Variants in XPO1 observed in about 807,000 individuals in gnomAD.
The protein encoded by XPO1 is exportin 1, also known as exportin-1.
XPO1 carries 5 observed loss-of-function variants against 133.3 expected under a neutral mutation model. The observed-to-expected ratio is 0.04, with a 90% CI of 0.02 to 0.08. XPO1 has a LOEUF of 0.08. XPO1 is among the 10% of genes least tolerant of loss of function. The pLI, the probability that XPO1 is intolerant of heterozygous loss-of-function variation, is 1.00. For synonymous variants in XPO1, 419 were observed against 408.2 expected (o/e 1.03, Z -0.32); for missense variants, 506 against 1,267.5 (o/e 0.40, Z 9.12).
chr2:61,536,966 AACT>A (rs1699381702), intron 1 of XPO1: 1 of 152,298 alleles, frequency 6.6e-6, no homozygotes, highest in Non-Finnish European at 1.5e-5. Flanking sequence ...CCTGAAAAGG[AACT>A]ACAAGACGGA....
At chr2:61,524,918 A>G (rs2104771028) in intron 3 of XPO1, among the ~76,000 whole-genome samples, 1 of 152,316 alleles carries the variant, frequency 6.6e-6, no homozygotes, top group East Asian at 1.9e-4. Flanking sequence ...TGTCTCTTCA[A>G]AGAATTTTTT....
At chr2:61,487,413 G>C (rs1696748678) in intron 19 of XPO1, among the ~76,000 whole-genome samples, 1 of 151,938 alleles carries the variant, frequency 6.6e-6, no homozygotes, top group South Asian at 2.1e-4. Context: ...TCGATATTTA[G>C]GTTAGCCAAC....
At chr2:61,491,795 G>T (rs537689146) in intron 16 of XPO1, among the ~76,000 whole-genome samples, 58 of 151,852 alleles carry the variant, frequency 3.8e-4, no homozygotes, top group African/African-American at 1.0e-3. Flanking sequence ...AGCTACCCAC[G>T]AGGCCAAGGT....
intron 4 of XPO1, among the ~76,000 whole-genome samples, chr2:61,505,375 T>A (rs1252513166): frequency 2.1e-5 from 3 of 145,308 alleles, no homozygotes; most frequent in African/African-American, 5.1e-5. Flanking sequence ...ACTTGGGTAA[T>A]CTATGCAACA....
At chr2:61,506,665 C>T (rs13427253) in intron 4 of XPO1, among the ~76,000 whole-genome samples, 1,581 of 149,196 alleles carry the variant, frequency 0.011, 31 homozygotes, top group African/African-American at 0.036. Flanking sequence ...CAAGCCTGGG[C>T]GACAGAGTGA....
At chr2:61,491,937 T>C in intron 16 of XPO1, 98 bp downstream of exon 16, 3 of 1,394,956 alleles carry the variant, frequency 2.2e-6, no homozygotes, top group East Asian at 4.8e-5. Context: ...GAAACACTTC[T>C]ATTGGATCCA....
At chr2:61,480,891 C>G (rs1334316730) in intron 24 of XPO1, among the ~76,000 whole-genome samples, 2 of 151,996 alleles carry the variant, frequency 1.3e-5, no homozygotes, top group African/African-American at 4.8e-5. Flanking sequence ...ATAAAAAGAA[C>G]TACCAACGTT....
At position 61,495,630 on chromosome 2, in the gene XPO1, G is replaced by A; in HGVS notation, c.889-17C>T. ...AGGAAGCATCTGCAAATTTTAAAAGGGACGATCAGTTCGCATTTTATAAAA... is the reference window on the plus strand; with the variant it reads ...AGGAAGCATCTGCAAATTTTAAAAGAGACGATCAGTTCGCATTTTATAAAA... On this transcript the variant is annotated splice_polypyrimidine_tract_variant and intron_variant, in intron 10 of 24. Transcript: ENST00000401558. 1 of 1,539,118 alleles carries A rather than the reference G, an allele frequency of 6.5e-7. No homozygotes were observed.
intron 1 of XPO1, chr2:61,536,575 G>T (rs900356103): frequency 6.6e-6 from 1 of 152,226 alleles, no homozygotes; most frequent in Admixed American, 6.5e-5. Flanking sequence ...GCGAAAGACT[G>T]CTCCTTAGGT....
chr2:61,482,612 G>GA (rs1696449799), intron 22 of XPO1, 73 bp from the exon 23 acceptor site: 1 of 1,023,530 alleles, frequency 9.8e-7, no homozygotes. Context: ...TTTTTGTTTT[G>GA]TTTTTTTTTT....
At chr2:61,493,489 A>C (rs1437282991) in intron 12 of XPO1, 1 of 197,448 alleles carries the variant, frequency 5.1e-6, no homozygotes, top group Non-Finnish European at 1.0e-5. Context: ...CCTGAGCCAC[A>C]GAGCAAGACC....
At chr2:61,521,505 A>G (rs1467411939) in intron 4 of XPO1, among the ~76,000 whole-genome samples, 1 of 152,210 alleles carries the variant, frequency 6.6e-6, no homozygotes, top group Non-Finnish European at 1.5e-5. Flanking sequence ...AGCTAAATCA[A>G]AGAATCCCAA....
At chr2:61,529,680 A>G (rs1699069108) in intron 2 of XPO1, among the ~76,000 whole-genome samples, 1 of 151,958 alleles carries the variant, frequency 6.6e-6, no homozygotes, top group Non-Finnish European at 1.5e-5. Flanking sequence ...AAAAAAAAAA[A>G]AGAAAGAAAT....
rs1284222849 is a variant in XPO1 at position 61,502,986 on chromosome 2, G to C, written c.302-676C>G. Among the ~76,000 whole-genome samples the C allele has an allele frequency of 1.6e-4, 21 of 134,072 alleles. 1 individual carries two copies. Among genetic ancestry groups the C allele is most frequent in the Admixed American group, 1.1e-3 (15 of 13,198 alleles). 88.0% of individuals were successfully genotyped at this position (134,072 alleles called of 152,430 possible). A position where few individuals can be genotyped will look rare whatever the true frequency, so the allele number is the denominator to read the frequency against. ...TTTTCTTTTTTTTTTTTTTTTTTGAGACGGAGTCCTGTTATGTCACACACA... is the reference window on the plus strand; with the variant it reads ...TTTTCTTTTTTTTTTTTTTTTTTGACACGGAGTCCTGTTATGTCACACACA... On this transcript the variant is annotated intron_variant, in intron 4 of 24. Transcript: ENST00000401558.
Position 61,488,258 on chromosome 2 carries a change from T to C in XPO1, c.2220A>G (p.Thr740=). Residue 740 remains threonine (T), a synonymous_variant, in exon 19 of 25, where the codon ACA becomes ACG. Transcript: ENST00000401558. The stretch of plus-strand genomic sequence containing the variant: ...GCATACTTCTAATCAATGGTTGCTT[T>C]GTAACCATTTCACCTACAAAACAGA... ...AAIQANGEMV[T]KQPLIRSMRT... is the part of the protein sequence containing the mutation. 6.2e-7 allele frequency: 1 copy of C among 1,613,710 alleles called. No homozygotes were observed. The highest frequency in any genetic ancestry group is 8.5e-7 in the Non-Finnish European group (1 of 1,179,716).
intron 4 of XPO1, among the ~76,000 whole-genome samples, chr2:61,515,069 T>A (rs1394809119): frequency 3.1e-5 from 4 of 127,392 alleles, no homozygotes; most frequent in Non-Finnish European, 3.2e-5. Flanking sequence ...GTGACTGTCT[T>A]AAAAAAAAAA....
intron 23 of XPO1, among the ~76,000 whole-genome samples, chr2:61,482,053 T>TTTTTTTTTTTTTTTTC (rs1696397504): frequency 7.1e-6 from 1 of 139,882 alleles, no homozygotes; most frequent in Non-Finnish European, 1.6e-5. Flanking sequence ...TTTTTTTTTT[T>TTTTTTTTTTTTTTTTC]TTTTGCTTTT....
chr2:61,500,489 G>A (rs527692768), intron 6 of XPO1, among the ~76,000 whole-genome samples: 1 of 146,532 alleles, frequency 6.8e-6, no homozygotes, highest in African/African-American at 2.5e-5. Flanking sequence ...TGAGGCAGGA[G>A]AATCTCTTGA....
At position 61,527,321 on chromosome 2, in the gene XPO1, C is replaced by CAAA. The variant is rs35556629; in HGVS notation, c.127-803_127-801dup. ...GCAATGTAACGAGGCCATGACTCTCCAAAAAAAAAAAAAAAAGAAAGCTGC... is the reference window on the plus strand; with the variant it reads ...GCAATGTAACGAGGCCATGACTCTCCAAAAAAAAAAAAAAAAAAAGAAAGCTGC... On this transcript the variant is annotated intron_variant, in intron 2 of 24. Transcript: ENST00000401558. Among the ~76,000 whole-genome samples the CAAA allele has an allele frequency of 3.8e-4, 35 of 92,606 alleles. 3 individuals carry two copies. The highest frequency in any genetic ancestry group is 2.7e-3 in the East Asian group (9 of 3,384). 60.8% of individuals were successfully genotyped at this position (92,606 alleles called of 152,430 possible). A position where few individuals can be genotyped will look rare whatever the true frequency, so the allele number is the denominator to read the frequency against.
Sources: allele counts gnomAD v4.1 joint callset (sites outside exome capture counted in the v4.1 genomes callset), GRCh38; gene constraint gnomAD v4.1.1; transcripts MANE v1.5; gene names NCBI Gene and HGNC (gene_info 2026-07-23, HGNC 2026-07-21).